Variants in CHODL observed in about 807,000 individuals in gnomAD.
CHODL encodes the protein chondrolectin.
Under a neutral mutation model 34.5 loss-of-function variants are expected in CHODL, and 29 were observed. The ratio of observed to expected loss-of-function variants is 0.84; its 90% CI spans 0.63 to 1.15. CHODL has a LOEUF of 1.15. Among genes scored for constraint, CHODL ranks in the 50% most tolerant of loss-of-function variants. The pLI, the probability that CHODL is intolerant of heterozygous loss-of-function variation, is 0.00. For missense variants in CHODL, 332 were observed against 332.5 expected (o/e 1.00, Z 0.01); for synonymous variants, 125 against 116.1 (o/e 1.08, Z -0.49).
At chr21:18,025,418 C>CT (rs2064165174) in intron 1 of CHODL, among the ~76,000 whole-genome samples, 1 of 151,990 alleles carries the variant, frequency 6.6e-6, no homozygotes, top group Non-Finnish European at 1.5e-5. Flanking sequence ...GAAAATATTT[C>CT]TTTTTCTTCC....
chr21:18,135,695 G>A (rs1036199554), intron 2 of CHODL, among the ~76,000 whole-genome samples: 6 of 151,994 alleles, frequency 3.9e-5, no homozygotes, highest in African/African-American at 1.5e-4. Context: ...ACTGACAAAG[G>A]GTCAGATACT....
chr21:18,224,655 T>C (rs2073915237), intron 2 of CHODL, among the ~76,000 whole-genome samples: 1 of 152,188 alleles, frequency 6.6e-6, no homozygotes. Flanking sequence ...AATGGGAATA[T>C]GGATTTATGT....
intron 2 of CHODL, among the ~76,000 whole-genome samples, chr21:18,180,145 A>G (rs919722259): frequency 6.6e-6 from 1 of 152,148 alleles, no homozygotes; most frequent in Admixed American, 6.6e-5. Flanking sequence ...TAGTATTGGT[A>G]ACATCCTTTT....
At chr21:17,941,095 C>T (rs1299630647) in intron 1 of CHODL, among the ~76,000 whole-genome samples, 1 of 152,130 alleles carries the variant, frequency 6.6e-6, no homozygotes, top group Non-Finnish European at 1.5e-5. Flanking sequence ...TCTCTTATCT[C>T]TAAATCTTTA....
chr21:18,218,428 A>G (rs1241103353), intron 2 of CHODL, among the ~76,000 whole-genome samples: 1 of 152,140 alleles, frequency 6.6e-6, no homozygotes, highest in Non-Finnish European at 1.5e-5. Flanking sequence ...GATGTAGGAC[A>G]CCAAGTCCCT....
chr21:18,154,982 G>T (rs2073017324), intron 2 of CHODL, among the ~76,000 whole-genome samples: 1 of 152,110 alleles, frequency 6.6e-6, no homozygotes. Context: ...CACCATGTAG[G>T]GCATAGCTTG....
At chr21:18,085,710 TA>T (rs1388185943) in intron 2 of CHODL, among the ~76,000 whole-genome samples, 2 of 152,230 alleles carry the variant, frequency 1.3e-5, no homozygotes, top group Admixed American at 1.3e-4. Flanking sequence ...GGTTTTCTGC[TA>T]AAAAGTCCAC....
At chr21:18,216,533 A>T (rs935122291) in intron 2 of CHODL, among the ~76,000 whole-genome samples, 1 of 152,140 alleles carries the variant, frequency 6.6e-6, no homozygotes, top group Admixed American at 6.6e-5. Context: ...AACATGCTGT[A>T]TTTGTGTTTT....
Position 17,919,698 on chromosome 21 carries a change from A to G in CHODL, c.-145+2298A>G, listed in dbSNP as rs140796194. Among the ~76,000 whole-genome samples, 111 of 152,302 alleles carry G rather than the reference A, an allele frequency of 7.3e-4. 1 individual carries two copies. The highest frequency in any genetic ancestry group is 3.9e-3 in the South Asian group (19 of 4,826). Reference sequence around the variant, plus strand: ...GGCTCCTTGTTACTTATGCAAATTTATGCAGCCAGCTTGAATTTCTCCTCA... The same window carrying G: ...GGCTCCTTGTTACTTATGCAAATTTGTGCAGCCAGCTTGAATTTCTCCTCA... On this transcript the variant is annotated intron_variant, in intron 1 of 6. Transcript: ENST00000400127.
chr21:18,053,403 C>T (rs2064540469), intron 2 of CHODL, among the ~76,000 whole-genome samples: 1 of 151,816 alleles, frequency 6.6e-6, no homozygotes, highest in Non-Finnish European at 1.5e-5. Flanking sequence ...GCAGAATTGC[C>T]AATACCAGAG....
chr21:18,030,429 A>T (rs1052742369), intron 2 of CHODL, among the ~76,000 whole-genome samples: 3 of 152,058 alleles, frequency 2.0e-5, no homozygotes, highest in African/African-American at 7.2e-5. Flanking sequence ...CTTGTGAGAG[A>T]CCTTTTGTCA....
At chr21:18,019,040 A>G (rs78955268) in intron 1 of CHODL, among the ~76,000 whole-genome samples, 1,938 of 152,324 alleles carry the variant, frequency 0.013, 39 homozygotes, top group African/African-American at 0.045. Flanking sequence ...GCTATTTCAC[A>G]TGTTAGTAAT....
intron 2 of CHODL, among the ~76,000 whole-genome samples, chr21:18,175,401 G>T (rs2073293716): frequency 6.6e-6 from 1 of 152,080 alleles, no homozygotes; most frequent in Non-Finnish European, 1.5e-5. Flanking sequence ...AGACCAGCCT[G>T]GCCAACATAG....
upstream of CHODL, among the ~76,000 whole-genome samples, chr21:18,243,262 C>T (rs1420187899): frequency 6.6e-6 from 1 of 152,234 alleles, no homozygotes; most frequent in Non-Finnish European, 1.5e-5. Context: ...GAGGACAGCT[C>T]TCCTACCATG....
intron 2 of CHODL, among the ~76,000 whole-genome samples, chr21:18,222,354 T>C (rs1211692739): frequency 6.6e-6 from 1 of 152,118 alleles, no homozygotes; most frequent in East Asian, 1.9e-4. Context: ...ATGCAAGAGC[T>C]ATTTGGCTTC....
At chr21:17,972,009 G>T (rs934711876) in intron 1 of CHODL, among the ~76,000 whole-genome samples, 1 of 152,100 alleles carries the variant, frequency 6.6e-6, no homozygotes, top group South Asian at 2.1e-4. Flanking sequence ...GGTTCAACAC[G>T]TGCAAATCAA....
At chr21:18,050,754 T>G (rs2064503600) in intron 2 of CHODL, among the ~76,000 whole-genome samples, 1 of 151,842 alleles carries the variant, frequency 6.6e-6, no homozygotes, top group Non-Finnish European at 1.5e-5. Flanking sequence ...TGGGTCATGT[T>G]GACTTTGTGG....
chr21:18,186,296 G>A (rs1340083993), intron 2 of CHODL, among the ~76,000 whole-genome samples: 4 of 151,874 alleles, frequency 2.6e-5, no homozygotes, highest in Non-Finnish European at 5.9e-5. Context: ...AGACCAGGGA[G>A]AAAAACGTTT....
At chr21:18,183,802 G>A (rs1232385279) in intron 2 of CHODL, among the ~76,000 whole-genome samples, 2 of 112,138 alleles carry the variant, frequency 1.8e-5, no homozygotes, top group Non-Finnish European at 3.1e-5. Flanking sequence ...GGAACTCTGT[G>A]TTCAATATTC....
Sources: gnomAD v4.1 joint callset for allele counts (sites outside exome capture counted in the v4.1 genomes callset) on GRCh38, gnomAD v4.1.1 for gene constraint, MANE v1.5 for transcripts, NCBI Gene and HGNC (gene_info 2026-07-23, HGNC 2026-07-21) for gene names.